The following DCC variants were observed in gnomAD, a reference collection of about 807,000 sequenced individuals.
DCC encodes DCC netrin 1 receptor.
In DCC, 58 loss-of-function variants were observed where a neutral mutation model predicts 172.5. The observed-to-expected ratio is 0.34, with a 90% CI of 0.27 to 0.42. The LOEUF (loss-of-function observed/expected upper bound fraction) is 0.42. Ranked by LOEUF, DCC falls within the 10% of genes least tolerant of loss-of-function variation. The pLI is 1.00. For synonymous variants in DCC, 709 were observed against 644.5 expected, an observed-to-expected ratio of 1.10 and a Z score of -1.52; for missense variants, 1,740 against 1,791.0, an observed-to-expected ratio of 0.97 and a Z score of 0.51.
rs564516106 is a variant in DCC, at chr18:52,883,987, A to G, written c.413-22057A>G. Among the ~76,000 whole-genome samples the G allele has an allele frequency of 9.9e-5, 15 of 151,902 alleles. No individual in the cohort carries two copies. The South Asian group carries it at 2.5e-3, about 25-fold the overall frequency. On this transcript the variant is annotated intron_variant, in intron 2 of 28. Coordinates refer to ENST00000442544, the MANE Select transcript of DCC (RefSeq NM_005215.4). Reference sequence around the variant, plus strand: ...TTCACTGGATATATCATTCTAGGGTAAAAGTTATTTTCCTTCAGCACTTTA... The same window carrying G: ...TTCACTGGATATATCATTCTAGGGTGAAAGTTATTTTCCTTCAGCACTTTA...
At chr18:52,986,913 C>A (rs937225948) in intron 5 of DCC, among the ~76,000 whole-genome samples, 4 of 152,044 alleles carry the variant, frequency 2.6e-5, no homozygotes, top group Admixed American at 6.6e-5. Flanking sequence ...ACCTCCGCCT[C>A]CCAGGCTCAA....
chr18:52,493,331 T>C (rs1380086092), intron 1 of DCC, among the ~76,000 whole-genome samples: 1 of 152,012 alleles, frequency 6.6e-6, no homozygotes, highest in Non-Finnish European at 1.5e-5. Flanking sequence ...GACGGTTGTT[T>C]TGTAAACTCA....
At position 52,905,425 on chromosome 18, in the gene DCC, G is replaced by GCTTTTAAT. The variant is rs1205739104; in HGVS notation, c.413-612_413-611insTCTTTTAA. Among the ~76,000 whole-genome samples, 3 of 152,222 alleles carry GCTTTTAAT rather than the reference G, an allele frequency of 2.0e-5. No individual in the cohort carries two copies. The East Asian group carries it at 5.8e-4, about 29-fold the overall frequency. ...AGAAACACAAGCTATCCTAATTCCAGCTTTTAAATCTTTTCACTACACCAC... is the reference window on the plus strand; with the variant it reads ...AGAAACACAAGCTATCCTAATTCCAGCTTTTAATCTTTTAAATCTTTTCACTACACCAC... On this transcript the variant is annotated intron_variant, in intron 2 of 28. Coordinates refer to ENST00000442544, the MANE Select transcript of DCC (RefSeq NM_005215.4).
chr18:52,888,095 G>A (rs115826957), intron 2 of DCC, among the ~76,000 whole-genome samples: 2,622 of 152,224 alleles, frequency 0.017, 56 homozygotes, highest in African/African-American at 0.046. Flanking sequence ...TGTTTTAATT[G>A]GTGATTGAAA....
chr18:52,539,906 A>G (rs998069517), intron 1 of DCC, among the ~76,000 whole-genome samples: 1 of 152,164 alleles, frequency 6.6e-6, no homozygotes, highest in Admixed American at 6.5e-5. Flanking sequence ...ACAACAACAA[A>G]AAAACCCACA....
At chr18:52,792,759 T>C (rs28872855) in intron 2 of DCC, among the ~76,000 whole-genome samples, 53 of 27,978 alleles carry the variant, frequency 1.9e-3, no homozygotes, top group African/African-American at 2.1e-3. Context: ...CAGTTGATTC[T>C]ATTCCATTCT....
chr18:53,117,498 G>C (rs2043424869), intron 7 of DCC, among the ~76,000 whole-genome samples: 3 of 151,596 alleles, frequency 2.0e-5, no homozygotes, highest in Non-Finnish European at 4.4e-5. Flanking sequence ...TGAATGTTTG[G>C]GGCTCTTTAG....
In DCC at chr18:53,399,660, T is replaced by TTATAA. The variant is rs1909183666; in HGVS notation, c.2827+2215_2827+2216insATAAT. ...TGGCTCACGCCTGTAATCCCAGCACTTTGGGAGGCCGAGGCGGGCGGATCA... is the reference window on the plus strand; with the variant it reads ...TGGCTCACGCCTGTAATCCCAGCACTTATAATTGGGAGGCCGAGGCGGGCGGATCA... On this transcript the variant is annotated intron_variant, in intron 18 of 28. Transcript: ENST00000442544. 2.0e-4 allele frequency among the ~76,000 whole-genome samples: 2 copies of TTATAA among 10,132 alleles called. 1 individual carries two copies. Among genetic ancestry groups the TTATAA allele is most frequent in the African/African-American group, 2.1e-4 (2 of 9,522 alleles). The allele number at this position is 10,132 out of a possible 152,430, so 6.6% of individuals were successfully genotyped here.
intron 1 of DCC, among the ~76,000 whole-genome samples, chr18:52,750,336 G>A (rs1270701886): frequency 2.6e-5 from 4 of 152,156 alleles, no homozygotes; most frequent in Non-Finnish European, 4.4e-5. Flanking sequence ...CCCACTAGAA[G>A]AACAGGATGT....
At chr18:52,879,412 C>CTTTTTTTTGTTT (rs2039448675) in intron 2 of DCC, among the ~76,000 whole-genome samples, 1 of 62,356 alleles carries the variant, frequency 1.6e-5, no homozygotes, top group Non-Finnish European at 2.9e-5. Flanking sequence ...TGTTGTTTGG[C>CTTTTTTTTGTTT]TTTTTTTTTT....
chr18:52,764,872 G>A (rs931620315), intron 2 of DCC, among the ~76,000 whole-genome samples: 2 of 151,882 alleles, frequency 1.3e-5, no homozygotes, highest in African/African-American at 2.4e-5. Context: ...TTCCTCTTAG[G>A]TCCAAAATAA....
chr18:53,438,391 T>G (rs546247520), intron 22 of DCC, among the ~76,000 whole-genome samples: 1 of 152,306 alleles, frequency 6.6e-6, no homozygotes, highest in African/African-American at 2.4e-5. Context: ...CCAAAAGGAC[T>G]CCAGTATTGG....
chr18:52,787,443 AG>A (rs2037681245), intron 2 of DCC, among the ~76,000 whole-genome samples: 1 of 142,026 alleles, frequency 7.0e-6, no homozygotes, highest in African/African-American at 2.5e-5. Flanking sequence ...TAAGAAGTTT[AG>A]TTATCTCCAT....
chr18:52,929,848 ACACACACACACACACT>A (rs1285637354), intron 5 of DCC, among the ~76,000 whole-genome samples: 2 of 151,388 alleles, frequency 1.3e-5, no homozygotes, highest in African/African-American at 2.4e-5. Context: ...ACACACACAC[ACACACACACACACACT>A]CACGTTTGTT....
intron 7 of DCC, among the ~76,000 whole-genome samples, chr18:53,120,695 C>G (rs1197275823): frequency 6.6e-6 from 1 of 151,758 alleles, no homozygotes; most frequent in Non-Finnish European, 1.5e-5. Flanking sequence ...ATTTTAAATG[C>G]TGTCTGATAA....
chr18:53,012,430 T>G (rs988246522), intron 5 of DCC, among the ~76,000 whole-genome samples: 1 of 152,004 alleles, frequency 6.6e-6, no homozygotes, highest in Non-Finnish European at 1.5e-5. Context: ...TAGTTCCTAC[T>G]CTAAAAATAT....
chr18:53,220,207 TTTG>T (rs2055911288), intron 12 of DCC, among the ~76,000 whole-genome samples: 1 of 152,100 alleles, frequency 6.6e-6, no homozygotes. Context: ...TGTATTCAGT[TTTG>T]TTTTGTTTTT....
chr18:52,343,009 C>A (rs9945861), intron 1 of DCC, among the ~76,000 whole-genome samples: 1 of 152,058 alleles, frequency 6.6e-6, no homozygotes, highest in Non-Finnish European at 1.5e-5. Flanking sequence ...CACACACATA[C>A]ACATGGGTTA....
At chr18:52,842,911 A>G (rs1824918696) in intron 2 of DCC, among the ~76,000 whole-genome samples, 1 of 150,960 alleles carries the variant, frequency 6.6e-6, no homozygotes, top group African/African-American at 2.5e-5. Flanking sequence ...TCACTAGCTG[A>G]GATGAGAAAA....
Sources: allele counts gnomAD v4.1 joint callset (sites outside exome capture counted in the v4.1 genomes callset), GRCh38; gene constraint gnomAD v4.1.1; transcripts MANE v1.5; gene names NCBI Gene and HGNC (gene_info 2026-07-23, HGNC 2026-07-21).